The following TRPC4 variants were observed in gnomAD, a reference collection of about 807,000 sequenced individuals.
The protein encoded by TRPC4 is short transient receptor potential channel 4.
TRPC4 carries 49 observed loss-of-function variants against 99.4 expected under a neutral mutation model. The ratio of observed to expected loss-of-function variants is 0.49; its 90% CI spans 0.39 to 0.63. The LOEUF (loss-of-function observed/expected upper bound fraction) is 0.63. Ranked by LOEUF, TRPC4 falls within the 20% of genes least tolerant of loss-of-function variation. TRPC4 has a pLI of 0.00. For missense variants in TRPC4, 898 were observed against 1,152.9 expected, an observed-to-expected ratio of 0.78 and a Z score of 3.20; for synonymous variants, 454 against 425.9, an observed-to-expected ratio of 1.07 and a Z score of -0.81.
chr13:37,720,424 A>T (rs1290561903), intron 3 of TRPC4, among the ~76,000 whole-genome samples: 1 of 152,132 alleles, frequency 6.6e-6, no homozygotes, highest in East Asian at 1.9e-4. Context: ...TGTTTTGGAC[A>T]TGAGAAACCG....
In TRPC4 at chr13:37,786,305, C is replaced by T. The variant is rs1956967716; in HGVS notation, c.-27-2945G>A. ...AGGGAGAAAGACACACACACACACACACACACACACACACACACACACACA... is the reference window on the plus strand; with the variant it reads ...AGGGAGAAAGACACACACACACACATACACACACACACACACACACACACA... On this transcript the variant is annotated intron_variant, in intron 1 of 10. Coordinates refer to ENST00000379705, the MANE Select transcript of TRPC4 (RefSeq NM_016179.4). Among the ~76,000 whole-genome samples, 3 of 149,828 alleles carry T rather than the reference C, an allele frequency of 2.0e-5. No individual in the cohort carries two copies. The South Asian group carries it at 6.3e-4, about 32-fold the overall frequency.
chr13:37,784,281 T>G (rs761021893), intron 1 of TRPC4, among the ~76,000 whole-genome samples: 1 of 152,052 alleles, frequency 6.6e-6, no homozygotes, highest in Non-Finnish European at 1.5e-5. Flanking sequence ...AAAATAACAA[T>G]AAACCACAAG....
intron 1 of TRPC4, among the ~76,000 whole-genome samples, chr13:37,842,830 C>T (rs747374280): frequency 6.6e-6 from 1 of 152,142 alleles, no homozygotes; most frequent in African/African-American, 2.4e-5. Context: ...TGAAACCAGA[C>T]ATTGATAAAT....
chr13:37,737,908 T>C (rs930701395), intron 3 of TRPC4, among the ~76,000 whole-genome samples: 4 of 152,174 alleles, frequency 2.6e-5, no homozygotes, highest in Admixed American at 6.6e-5. Flanking sequence ...GATATGTCTA[T>C]GGTATATGTA....
At chr13:37,705,256 AC>A (rs1288207981) in intron 3 of TRPC4, among the ~76,000 whole-genome samples, 2 of 152,150 alleles carry the variant, frequency 1.3e-5, no homozygotes, top group African/African-American at 4.8e-5. Context: ...GTTTGAATTC[AC>A]AGATGCAGAG....
chr13:37,715,131 A>C (rs927780680), intron 3 of TRPC4, among the ~76,000 whole-genome samples: 3 of 152,168 alleles, frequency 2.0e-5, no homozygotes, highest in Admixed American at 6.5e-5. Flanking sequence ...AGAGAGCTGA[A>C]AGCACTTGTC....
intron 2 of TRPC4, among the ~76,000 whole-genome samples, chr13:37,779,963 C>T (rs1333376): frequency 0.52 from 78,983 of 151,878 alleles, 21,086 homozygotes; most frequent in East Asian, 0.78. Flanking sequence ...GATTCATTTT[C>T]ATCTCTTCAG....
In TRPC4 at chr13:37,636,918, C is replaced by G. The variant is rs1221576722; in HGVS notation, c.2919G>C (p.Val973=). ...LPDTVTHEDY[V]TTRL is the part of the protein sequence containing the mutation. ...CCTTCAAGTATCACAATCTTGTGGTCACGTAATCTTCGTGGGTGACTGTGT... is the reference window on the plus strand; with the variant it reads ...CCTTCAAGTATCACAATCTTGTGGTGACGTAATCTTCGTGGGTGACTGTGT... The change falls in exon 11 of 11, where the codon GTG becomes GTC. Residue 973 remains valine (V), a synonymous_variant. Transcript: ENST00000379705. 1 of 1,610,624 alleles carries G rather than the reference C, an allele frequency of 6.2e-7. No individual in the cohort carries two copies. The highest frequency in any genetic ancestry group is 8.5e-7 in the Non-Finnish European group (1 of 1,178,188).
At chr13:37,671,798 A>C (rs1566084731) in intron 5 of TRPC4, among the ~76,000 whole-genome samples, 1 of 152,216 alleles carries the variant, frequency 6.6e-6, no homozygotes, top group Non-Finnish European at 1.5e-5. Flanking sequence ...AGTGCATGCC[A>C]ATGAATACAT....
rs545636 is a variant in TRPC4, at chr13:37,844,257, C to T, written c.-28+25338G>A. On this transcript the variant is annotated intron_variant, in intron 1 of 10. Coordinates refer to ENST00000379705, the MANE Select transcript of TRPC4 (RefSeq NM_016179.4). ...AGAGAGACTAGCTGACAGCATCACACTACAGGAAACATGGTTCACAGGTCT... is the reference window on the plus strand; with the variant it reads ...AGAGAGACTAGCTGACAGCATCACATTACAGGAAACATGGTTCACAGGTCT... Among the ~76,000 whole-genome samples, 1,046 of 152,164 alleles carry T rather than the reference C, an allele frequency of 6.9e-3. 10 individuals carry two copies. Among genetic ancestry groups the T allele is most frequent in the African/African-American group, 0.024 (1,003 of 41,542 alleles).
In TRPC4 at chr13:37,636,734, G is replaced by A. The variant is rs1448530784; in HGVS notation, c.*169C>T. 3 of 881,710 alleles carry A rather than the reference G, an allele frequency of 3.4e-6. No homozygotes were observed. The highest frequency in any genetic ancestry group is 4.7e-6 in the Non-Finnish European group (3 of 639,406). 54.6% of individuals were successfully genotyped at this position (881,710 alleles called of 1,614,324 possible). ...CAAAAGCAGGCTACAAAACAAAAAGGTTTTTGATTGCCTTTGCCTTATTTA... is the reference window on the plus strand; with the variant it reads ...CAAAAGCAGGCTACAAAACAAAAAGATTTTTGATTGCCTTTGCCTTATTTA... On this transcript the variant is annotated 3_prime_UTR_variant, in exon 11 of 11. Coordinates refer to ENST00000379705, the MANE Select transcript of TRPC4 (RefSeq NM_016179.4).
At chr13:37,666,344 G>T (rs1358735943) in intron 5 of TRPC4, among the ~76,000 whole-genome samples, 5 of 152,168 alleles carry the variant, frequency 3.3e-5, no homozygotes, top group Non-Finnish European at 4.4e-5. Context: ...CCCCACTGGG[G>T]ACTGGGGCAT....
chr13:37,745,615 T>C (rs554462567), intron 3 of TRPC4, among the ~76,000 whole-genome samples: 1 of 150,270 alleles, frequency 6.7e-6, no homozygotes, highest in South Asian at 2.1e-4. Flanking sequence ...GAAATCTATC[T>C]GTGACCCCCT....
chr13:37,706,725 G>A (rs1007557630), intron 3 of TRPC4, among the ~76,000 whole-genome samples: 3 of 151,394 alleles, frequency 2.0e-5, no homozygotes, highest in South Asian at 2.1e-4. Context: ...GAGAACATGC[G>A]GTGTTTGGTT....
At position 37,663,622 on chromosome 13, in the gene TRPC4, T is replaced by G. The variant is rs1323263125; in HGVS notation, c.1482A>C (p.Ser494=). The G allele has an allele frequency of 3.1e-6, 5 of 1,614,020 alleles. No homozygotes were observed. The highest frequency in any genetic ancestry group is 4.5e-5 in the East Asian group (2 of 44,888). The stretch of plus-strand genomic sequence containing the variant: ...CCAGGTGAGAATTTGCAGTAAACAG[T>G]GAGATCAGACGCAGAGAACTGAAGA... ...ANIFSSLRLI[S]LFTANSHLGP... The change falls in exon 6 of 11, where the codon TCA becomes TCC. Residue 494 remains serine (S), a synonymous_variant. Transcript: ENST00000379705.
At chr13:37,842,442 GAA>G (rs1041018846) in intron 1 of TRPC4, among the ~76,000 whole-genome samples, 2 of 137,640 alleles carry the variant, frequency 1.5e-5, no homozygotes, top group Admixed American at 1.5e-4. Context: ...AAAAGAAAAA[GAA>G]AGAGTTGGTG....
intron 3 of TRPC4, among the ~76,000 whole-genome samples, chr13:37,705,511 A>G (rs549009990): frequency 6.6e-6 from 1 of 152,180 alleles, no homozygotes; most frequent in South Asian, 2.1e-4. Flanking sequence ...TAGCCATTGC[A>G]TAATGTATGC....
intron 3 of TRPC4, among the ~76,000 whole-genome samples, chr13:37,745,456 A>ATATATATATATATGCGTG (rs1555265702): frequency 0.011 from 33 of 3,022 alleles, 2 homozygotes; most frequent in Non-Finnish European, 0.018. Flanking sequence ...ATATATATAT[A>ATATATATATATATGCGTG]TATATATATA....
chr13:37,768,471 TATC>T (rs1158244539), intron 2 of TRPC4, among the ~76,000 whole-genome samples: 1 of 151,318 alleles, frequency 6.6e-6, no homozygotes, highest in Non-Finnish European at 1.5e-5. Flanking sequence ...CTAAAGAAAA[TATC>T]ATACAGATTT....
Sources: gnomAD v4.1 joint callset for allele counts (sites outside exome capture counted in the v4.1 genomes callset) on GRCh38, gnomAD v4.1.1 for gene constraint, MANE v1.5 for transcripts, NCBI Gene and HGNC (gene_info 2026-07-23, HGNC 2026-07-21) for gene names.